CPNE8: variants seen among roughly 807,000 people sequenced by gnomAD.
CPNE8 encodes the protein copine-8.
A neutral mutation model predicts 81.5 loss-of-function variants in CPNE8; 45 were observed. The ratio of observed to expected loss-of-function variants is 0.55; its 90% CI spans 0.44 to 0.71. The LOEUF (loss-of-function observed/expected upper bound fraction) is 0.71, where lower values mean the gene tolerates loss of function less well. Ranked by LOEUF, CPNE8 falls within the 30% of genes least tolerant of loss-of-function variation. The pLI, the probability that CPNE8 is intolerant of heterozygous loss-of-function variation, is 0.00. For missense variants in CPNE8, 594 were observed against 672.1 expected (o/e 0.88, Z 1.28); for synonymous variants, 252 against 226.3 (o/e 1.11, Z -1.02).
intron 8 of CPNE8, among the ~76,000 whole-genome samples, chr12:38,762,934 C>T (rs960079005): frequency 6.6e-6 from 1 of 152,216 alleles, no homozygotes; most frequent in African/African-American, 2.4e-5. Flanking sequence ...TCTTGGCTCA[C>T]TGCAACCTCT....
At chr12:38,811,332 CA>C (rs1336114058) in intron 6 of CPNE8, among the ~76,000 whole-genome samples, 1 of 151,564 alleles carries the variant, frequency 6.6e-6, no homozygotes, top group Non-Finnish European at 1.5e-5. Flanking sequence ...TAAACTACAA[CA>C]AAAAAAGCTC....
chr12:38,851,448 G>C (rs180999243), intron 3 of CPNE8, among the ~76,000 whole-genome samples: 1 of 152,276 alleles, frequency 6.6e-6, no homozygotes, highest in Non-Finnish European at 1.5e-5. Context: ...TGATTAATCA[G>C]ACCATAAATG....
At chr12:38,763,297 G>C (rs1042491725) in intron 8 of CPNE8, among the ~76,000 whole-genome samples, 1 of 152,208 alleles carries the variant, frequency 6.6e-6, no homozygotes, top group South Asian at 2.1e-4. Flanking sequence ...GGGATCATGA[G>C]GAAGCTCTCC....
chr12:38,891,455 T>G (rs1944313093), intron 1 of CPNE8, among the ~76,000 whole-genome samples: 4 of 152,134 alleles, frequency 2.6e-5, no homozygotes, highest in Admixed American at 2.6e-4. Context: ...ACTAATTTTT[T>G]TTTTTTTTGA....
At chr12:38,879,127 G>T (rs1398741406) in intron 1 of CPNE8, among the ~76,000 whole-genome samples, 2 of 152,132 alleles carry the variant, frequency 1.3e-5, no homozygotes, top group Non-Finnish European at 2.9e-5. Context: ...AGTCAGGTGG[G>T]AGGGGGTCCC....
chr12:38,662,543 T>C (rs1451659183), intron 19 of CPNE8, among the ~76,000 whole-genome samples: 1 of 152,152 alleles, frequency 6.6e-6, no homozygotes, highest in Non-Finnish European at 1.5e-5. Context: ...ATAATTAATA[T>C]TGTTAAAATG....
chr12:38,853,903 A>G (rs1943685911), intron 3 of CPNE8, among the ~76,000 whole-genome samples: 1 of 152,130 alleles, frequency 6.6e-6, no homozygotes, highest in Non-Finnish European at 1.5e-5. Flanking sequence ...GAAAGTTTTA[A>G]TATATTATGA....
intron 10 of CPNE8, among the ~76,000 whole-genome samples, chr12:38,755,899 G>A (rs1368439012): frequency 6.6e-6 from 1 of 151,686 alleles, no homozygotes; most frequent in Admixed American, 6.6e-5. Context: ...AATTAGCCGG[G>A]CGTAGTGGCG....
At chr12:38,874,600 T>G in intron 1 of CPNE8, 89 bp from the exon 2 acceptor site, 1 of 756,428 alleles carries the variant, frequency 1.3e-6, no homozygotes, top group Non-Finnish European at 2.2e-6. Context: ...TGTACATAAT[T>G]GTGTATATAT....
intron 6 of CPNE8, among the ~76,000 whole-genome samples, chr12:38,783,941 C>T (rs1942111871): frequency 6.6e-6 from 1 of 152,190 alleles, no homozygotes; most frequent in African/African-American, 2.4e-5. Flanking sequence ...AAATACCTAA[C>T]TCTTCAATGC....
chr12:38,737,613 G>A (rs1940984866), intron 10 of CPNE8, among the ~76,000 whole-genome samples: 1 of 151,864 alleles, frequency 6.6e-6, no homozygotes, highest in Admixed American at 6.6e-5. Flanking sequence ...CATCTCTCTA[G>A]ATTTGCTATT....
At chr12:38,852,864 TG>T in intron 3 of CPNE8, among the ~76,000 whole-genome samples, 1 of 152,050 alleles carries the variant, frequency 6.6e-6, no homozygotes, top group East Asian at 1.9e-4. Flanking sequence ...TATATATATA[TG>T]GAAAAAAATA....
intron 6 of CPNE8, among the ~76,000 whole-genome samples, chr12:38,777,643 T>C (rs1052175372): frequency 2.0e-5 from 3 of 152,192 alleles, no homozygotes; most frequent in Non-Finnish European, 2.9e-5. Context: ...CCATTTTATA[T>C]GTTTACTTAT....
At chr12:38,880,637 T>A (rs1565660352) in intron 1 of CPNE8, among the ~76,000 whole-genome samples, 1 of 152,170 alleles carries the variant, frequency 6.6e-6, no homozygotes, top group Non-Finnish European at 1.5e-5. Flanking sequence ...GTATATATAT[T>A]TTTTAATGTA....
chr12:38,710,268 CA>C (rs57376063), intron 13 of CPNE8, among the ~76,000 whole-genome samples: 87 of 50,296 alleles, frequency 1.7e-3, no homozygotes, highest in African/African-American at 4.9e-3. Flanking sequence ...AATAAGCTAA[CA>C]AAAAAAAAAA....
intron 6 of CPNE8, among the ~76,000 whole-genome samples, chr12:38,790,781 A>G (rs1377845686): frequency 6.6e-6 from 1 of 151,654 alleles, no homozygotes; most frequent in Non-Finnish European, 1.5e-5. Context: ...ACAAACAAAA[A>G]ACAAAATCGA....
chr12:38,855,133 C>G (rs955241224), intron 3 of CPNE8, among the ~76,000 whole-genome samples: 4 of 151,542 alleles, frequency 2.6e-5, no homozygotes, highest in African/African-American at 7.3e-5. Context: ...TTAAGAAAAT[C>G]CCATTCACAA....
intron 13 of CPNE8, among the ~76,000 whole-genome samples, chr12:38,722,391 G>T (rs142271371): frequency 0.01 from 1,544 of 152,162 alleles, 106 homozygotes; most frequent in Admixed American, 0.088. Context: ...ATTTAAGTAG[G>T]TATTTTGCTT....
At chr12:38,890,681 A>G (rs1401524701) in intron 1 of CPNE8, among the ~76,000 whole-genome samples, 3 of 152,216 alleles carry the variant, frequency 2.0e-5, no homozygotes, top group Non-Finnish European at 4.4e-5. Context: ...ACCCAAGTGA[A>G]ACCATCACGT....
Sources: allele counts gnomAD v4.1 joint callset (sites outside exome capture counted in the v4.1 genomes callset), GRCh38; gene constraint gnomAD v4.1.1; transcripts MANE v1.5; gene names NCBI Gene and HGNC (gene_info 2026-07-23, HGNC 2026-07-21).